Variants in JARID2 observed in about 807,000 individuals in gnomAD.
JARID2 encodes the protein jumonji and AT-rich interaction domain containing 2, also known as protein Jumonji.
JARID2 carries 21 observed loss-of-function variants against 125.6 expected under a neutral mutation model. The observed-to-expected ratio is 0.17, with a 90% CI of 0.12 to 0.24. JARID2 has a LOEUF of 0.24. Ranked by LOEUF, JARID2 falls within the 10% of genes least tolerant of loss-of-function variation. The pLI, the probability that JARID2 is intolerant of heterozygous loss-of-function variation, is 1.00. For missense variants in JARID2, 1,303 were observed against 1,639.6 expected, an observed-to-expected ratio of 0.79 and a Z score of 3.55; for synonymous variants, 736 against 661.6, an observed-to-expected ratio of 1.11 and a Z score of -1.73.
At chr6:15,329,358 G>A (rs770974215) in intron 1 of JARID2, among the ~76,000 whole-genome samples, 2 of 152,090 alleles carry the variant, frequency 1.3e-5, no homozygotes, top group Non-Finnish European at 2.9e-5. Context: ...GCTGCTAGCA[G>A]CAAGCAGGGG....
At position 15,517,269 on chromosome 6, in the gene JARID2, G is replaced by A. The variant is rs1338922576; in HGVS notation, c.3558+1G>A. On this transcript the variant is annotated splice_donor_variant, in intron 17 of 17. Coordinates refer to ENST00000341776, the MANE Select transcript of JARID2 (RefSeq NM_004973.4). LOFTEE classifies it high-confidence loss of function. ...GAAGTTGATGTACCGCTACGATGAG[G>A]TCAGTCCCTGCCCGCGGGGTAGGGC... The A allele has an allele frequency of 6.2e-7, 1 of 1,608,728 alleles. No homozygotes were observed. Among genetic ancestry groups the A allele is most frequent in the Admixed American group, 1.7e-5 (1 of 60,028 alleles).
intron 5 of JARID2, among the ~76,000 whole-genome samples, chr6:15,471,399 G>A (rs1360418561): frequency 6.6e-6 from 1 of 152,214 alleles, no homozygotes; most frequent in Non-Finnish European, 1.5e-5. Flanking sequence ...AATAGAGATT[G>A]AAGAGTGAAG....
At chr6:15,504,613 C>T (rs373620835) in intron 9 of JARID2, 21 bp downstream of exon 9, 28 of 1,523,270 alleles carry the variant, frequency 1.8e-5, no homozygotes, top group Middle Eastern at 1.7e-4. Context: ...GGGCCCCTCA[C>T]GCTGCCTCTC....
chr6:15,300,722 T>TGTGTGTGTGTGAGA (rs1246745065), intron 1 of JARID2, among the ~76,000 whole-genome samples: 8 of 111,198 alleles, frequency 7.2e-5, no homozygotes, highest in Non-Finnish European at 1.1e-4. Flanking sequence ...TGTGTGTGTG[T>TGTGTGTGTGTGAGA]GAGAGAGAGA....
chr6:15,407,809 G>A (rs1305629361), intron 2 of JARID2, among the ~76,000 whole-genome samples: 1 of 152,110 alleles, frequency 6.6e-6, no homozygotes, highest in Non-Finnish European at 1.5e-5. Flanking sequence ...GTCTGTGTTT[G>A]TCTGTCTCTC....
intron 1 of JARID2, among the ~76,000 whole-genome samples, chr6:15,341,479 C>T (rs1183707135): frequency 6.6e-6 from 1 of 152,234 alleles, no homozygotes; most frequent in Non-Finnish European, 1.5e-5. Flanking sequence ...CATGTGCCAG[C>T]AACCTTGCCT....
At chr6:15,415,594 G>A (rs1402447364) in intron 3 of JARID2, among the ~76,000 whole-genome samples, 1 of 140,688 alleles carries the variant, frequency 7.1e-6, no homozygotes, top group African/African-American at 2.7e-5. Context: ...CGGGCGGGGG[G>A]CTGACCCCTC....
chr6:15,390,347 G>T (rs1006799230), intron 2 of JARID2, among the ~76,000 whole-genome samples: 3 of 152,050 alleles, frequency 2.0e-5, no homozygotes, highest in Non-Finnish European at 4.4e-5. Flanking sequence ...GTTGGTGTGG[G>T]GTTCTCTATC....
chr6:15,393,080 A>C (rs1164735021), intron 2 of JARID2, among the ~76,000 whole-genome samples: 1 of 152,208 alleles, frequency 6.6e-6, no homozygotes. Flanking sequence ...CAGGATACGC[A>C]TGAAATGGTG....
chr6:15,348,831 T>C (rs867659869), intron 1 of JARID2, among the ~76,000 whole-genome samples: 2 of 152,208 alleles, frequency 1.3e-5, no homozygotes, highest in African/African-American at 4.8e-5. Context: ...GGTTTAGTGG[T>C]TGCTATTTTC....
chr6:15,491,407 A>G (rs1770144298), intron 6 of JARID2, among the ~76,000 whole-genome samples: 1 of 152,198 alleles, frequency 6.6e-6, no homozygotes, highest in Non-Finnish European at 1.5e-5. Context: ...CTCCCCTTCC[A>G]TAACTCACTG....
chr6:15,252,128 C>G (rs1389279216), intron 1 of JARID2, among the ~76,000 whole-genome samples: 2 of 152,130 alleles, frequency 1.3e-5, no homozygotes, highest in Non-Finnish European at 2.9e-5. Flanking sequence ...GCAAGTGATT[C>G]CCTTTTAAGA....
intron 1 of JARID2, among the ~76,000 whole-genome samples, chr6:15,337,497 G>A (rs1339674635): frequency 6.6e-6 from 1 of 152,120 alleles, no homozygotes; most frequent in Non-Finnish European, 1.5e-5. Flanking sequence ...GGAGGTGGGT[G>A]GTAGAAAGCC....
intron 11 of JARID2, 93 bp downstream of exon 11, chr6:15,507,509 C>A: frequency 9.7e-7 from 1 of 1,031,104 alleles, no homozygotes; most frequent in Non-Finnish European, 1.5e-6. Flanking sequence ...CTAAGCACTG[C>A]CGGGGAGGGA....
At chr6:15,461,137 C>T (rs926455802) in intron 4 of JARID2, among the ~76,000 whole-genome samples, 1 of 152,176 alleles carries the variant, frequency 6.6e-6, no homozygotes, top group Non-Finnish European at 1.5e-5. Flanking sequence ...ATAGATAGAC[C>T]TTGTGGCATT....
intron 2 of JARID2, among the ~76,000 whole-genome samples, chr6:15,392,176 G>C (rs1430140940): frequency 6.6e-6 from 1 of 151,944 alleles, no homozygotes; most frequent in Non-Finnish European, 1.5e-5. Context: ...TTCCTTTACT[G>C]TCAAGCCACG....
intron 1 of JARID2, among the ~76,000 whole-genome samples, chr6:15,309,213 A>G (rs1293788774): frequency 1.3e-5 from 2 of 152,210 alleles, no homozygotes; most frequent in Non-Finnish European, 2.9e-5. Context: ...CTCATTGTTC[A>G]TCATCTTTGG....
intron 1 of JARID2, among the ~76,000 whole-genome samples, chr6:15,343,744 T>C (rs1487475631): frequency 6.6e-6 from 1 of 152,206 alleles, no homozygotes; most frequent in Non-Finnish European, 1.5e-5. Flanking sequence ...TTTAGACTAA[T>C]GTACATTGAT....
At chr6:15,268,783 G>T (rs190412261) in intron 1 of JARID2, among the ~76,000 whole-genome samples, 1 of 152,304 alleles carries the variant, frequency 6.6e-6, no homozygotes, top group Admixed American at 6.5e-5. Context: ...CTCACACGCA[G>T]CTGCAAAGAA....
Sources: gnomAD v4.1 joint callset for allele counts (sites outside exome capture counted in the v4.1 genomes callset) on GRCh38, gnomAD v4.1.1 for gene constraint, MANE v1.5 for transcripts, NCBI Gene and HGNC (gene_info 2026-07-23, HGNC 2026-07-21) for gene names.